RFC1: variants seen among roughly 807,000 people sequenced by gnomAD.
RFC1 encodes A1 140 kDa subunit.
A neutral mutation model predicts 137.4 loss-of-function variants in RFC1; 37 were observed. That is an observed-to-expected ratio of 0.27 (90% CI 0.21 to 0.35). The LOEUF (loss-of-function observed/expected upper bound fraction) is 0.35. Ranked by LOEUF, RFC1 falls within the 10% of genes least tolerant of loss-of-function variation. The probability of loss-of-function intolerance (pLI) is 1.00; values close to 1 mark genes in which losing one functional copy is unlikely to be tolerated. For synonymous variants in RFC1, 429 were observed against 455.7 expected, an observed-to-expected ratio of 0.94 and a Z score of 0.75; for missense variants, 1,205 against 1,358.5, an observed-to-expected ratio of 0.89 and a Z score of 1.78.
chr4:39,301,376 T>A (rs1454958110), intron 19 of RFC1, among the ~76,000 whole-genome samples: 1 of 152,220 alleles, frequency 6.6e-6, no homozygotes, highest in Non-Finnish European at 1.5e-5. Context: ...ACATGTCATT[T>A]GTCAAAACCA....
chr4:39,306,773 G>T, intron 13 of RFC1, 72 bp from the exon 14 acceptor site: 1 of 841,528 alleles, frequency 1.2e-6, no homozygotes, highest in Non-Finnish European at 2.0e-6. Flanking sequence ...GGCAGAAATA[G>T]TTATGCCTAA....
intron 4 of RFC1, among the ~76,000 whole-genome samples, chr4:39,334,958 G>A (rs1055940033): frequency 4.6e-5 from 7 of 152,064 alleles, no homozygotes; most frequent in African/African-American, 1.2e-4. Flanking sequence ...AAAAAATGTG[G>A]GGGTCCATAT....
intron 4 of RFC1, among the ~76,000 whole-genome samples, chr4:39,337,646 G>C (rs1001816511): frequency 4.0e-5 from 6 of 151,872 alleles, no homozygotes; most frequent in African/African-American, 1.2e-4. Context: ...TATCACTCTA[G>C]GTTTCCCTGC....
intron 1 of RFC1, among the ~76,000 whole-genome samples, chr4:39,353,858 T>A (rs940157315): frequency 6.6e-6 from 1 of 152,188 alleles, no homozygotes; most frequent in African/African-American, 2.4e-5. Flanking sequence ...TGTAAATTAA[T>A]AATCTGGTTA....
At chr4:39,344,987 C>T (rs954752404) in intron 3 of RFC1, among the ~76,000 whole-genome samples, 11 of 152,084 alleles carry the variant, frequency 7.2e-5, no homozygotes, top group Admixed American at 1.3e-4. Context: ...CAGAGAGCTA[C>T]GTATCTCAGA....
Position 39,316,095 on chromosome 4 carries a change from T to C in RFC1, c.1203+820A>G, listed in dbSNP as rs1435017701. 3.3e-5 allele frequency among the ~76,000 whole-genome samples: 5 copies of C among 152,132 alleles called. No individual in the cohort carries two copies. The East Asian group carries it at 9.6e-4, about 29-fold the overall frequency. ...AAAATACAAAATTAGCCAGGCATGG[T>C]GGCGCACGCCTGTAATCCCAGCAAC... is the stretch of plus-strand genomic sequence containing the variant. On this transcript the variant is annotated intron_variant, in intron 10 of 24. Coordinates refer to ENST00000349703, the MANE Select transcript of RFC1 (RefSeq NM_002913.5).
chr4:39,357,927 C>T lies in RFC1; in HGVS notation c.4-6451G>A, dbSNP rs531081228. ...CGGCCCAGAAGCTAGCTTTTTACAA[C>T]TGACTTCTGAGCCAAAAAAATCAAA... On this transcript the variant is annotated intron_variant, in intron 1 of 24. Transcript: ENST00000349703. 2.8e-3 allele frequency among the ~76,000 whole-genome samples: 423 copies of T among 152,100 alleles called. 2 individuals are homozygous for T. The highest frequency in any genetic ancestry group is 5.0e-3 in the Non-Finnish European group (341 of 67,982).
At chr4:39,297,680 A>G (rs2109593753) in intron 21 of RFC1, 1 of 152,496 alleles carries the variant, frequency 6.6e-6, no homozygotes, top group South Asian at 2.1e-4. Flanking sequence ...GTATCGTTCC[A>G]ATTTTAGTAT....
intron 9 of RFC1, 101 bp from the exon 10 acceptor site, chr4:39,317,123 C>A: frequency 1.5e-6 from 1 of 674,580 alleles, no homozygotes; most frequent in Non-Finnish European, 2.5e-6. Context: ...TGTGTCACTT[C>A]TGTGTCTGGC....
chr4:39,349,845 A>C (rs1448977271), intron 2 of RFC1, among the ~76,000 whole-genome samples: 1 of 152,136 alleles, frequency 6.6e-6, no homozygotes, highest in East Asian at 1.9e-4. Flanking sequence ...ACTCTACTAA[A>C]AATACAAAAT....
intron 4 of RFC1, among the ~76,000 whole-genome samples, chr4:39,328,578 T>C (rs1348173094): frequency 2.6e-5 from 4 of 151,902 alleles, no homozygotes; most frequent in Non-Finnish European, 5.9e-5. Flanking sequence ...AAACTACAAA[T>C]GGAAAAGCCG....
At chr4:39,296,177 T>C (rs1022043565) in intron 21 of RFC1, among the ~76,000 whole-genome samples, 1 of 152,180 alleles carries the variant, frequency 6.6e-6, no homozygotes, top group African/African-American at 2.4e-5. Context: ...AAACTGGCAT[T>C]TGAGAAAAGT....
At chr4:39,289,769 C>T in intron 24 of RFC1, 79 bp downstream of exon 24, 1 of 950,674 alleles carries the variant, frequency 1.1e-6, no homozygotes, top group Non-Finnish European at 1.7e-6. Flanking sequence ...CTGCTATGTG[C>T]TGAAAAGGCC....
At chr4:39,343,265 C>T (rs1045246134) in intron 3 of RFC1, among the ~76,000 whole-genome samples, 5 of 152,244 alleles carry the variant, frequency 3.3e-5, no homozygotes, top group East Asian at 3.9e-4. Flanking sequence ...TCAAGTGATC[C>T]GCCCACCTCA....
At chr4:39,306,145 G>C (rs1336478115) in intron 14 of RFC1, among the ~76,000 whole-genome samples, 1 of 152,220 alleles carries the variant, frequency 6.6e-6, no homozygotes, top group Non-Finnish European at 1.5e-5. Context: ...GTGCTGAAGA[G>C]CAGAACCCTG....
intron 14 of RFC1, among the ~76,000 whole-genome samples, chr4:39,305,561 C>T (rs1455775269): frequency 6.6e-6 from 1 of 152,028 alleles, no homozygotes; most frequent in African/African-American, 2.4e-5. Flanking sequence ...TGAACCGAGA[C>T]CGTGCCATTA....
intron 4 of RFC1, among the ~76,000 whole-genome samples, chr4:39,329,474 C>G (rs527510645): frequency 1.3e-5 from 2 of 151,962 alleles, no homozygotes; most frequent in African/African-American, 4.8e-5. Context: ...CCTGTAGTCC[C>G]AGCTACTCCG....
Position 39,288,719 on chromosome 4 carries a change from G to C in RFC1, c.*42C>G. 1 of 1,272,866 alleles carries C rather than the reference G, an allele frequency of 7.9e-7. No homozygotes were observed. Among genetic ancestry groups the C allele is most frequent in the Non-Finnish European group, 1.1e-6 (1 of 871,546 alleles). 78.8% of individuals were successfully genotyped at this position (1,272,866 alleles called of 1,614,324 possible). On this transcript the variant is annotated 3_prime_UTR_variant, in exon 25 of 25. Coordinates refer to ENST00000349703, the MANE Select transcript of RFC1 (RefSeq NM_002913.5). ...TTCTCTAGACCAGCTGGACTGGTCA[G>C]GAGGGAGAGTAAAAAGTGGCTGTCG...
intron 4 of RFC1, among the ~76,000 whole-genome samples, chr4:39,341,294 C>T (rs1021574005): frequency 3.3e-5 from 5 of 152,156 alleles, no homozygotes; most frequent in South Asian, 2.1e-4. Flanking sequence ...TCCCCTCCCA[C>T]GTATTCAAAA....
Sources: gnomAD v4.1 joint callset for allele counts (sites outside exome capture counted in the v4.1 genomes callset) on GRCh38, gnomAD v4.1.1 for gene constraint, MANE v1.5 for transcripts, NCBI Gene and HGNC (gene_info 2026-07-23, HGNC 2026-07-21) for gene names.